RYR2: variants seen among roughly 807,000 people sequenced by gnomAD.
RYR2 encodes ryanodine receptor 2.
A neutral mutation model predicts 601.1 loss-of-function variants in RYR2; 227 were observed. The ratio of observed to expected loss-of-function variants is 0.38; its 90% CI spans 0.34 to 0.42. The LOEUF (loss-of-function observed/expected upper bound fraction) is 0.42. Ranked by LOEUF, RYR2 falls within the 10% of genes least tolerant of loss-of-function variation. RYR2 has a pLI of 1.00. For missense variants in RYR2, 4,646 were observed against 6,156.5 expected (o/e 0.75, Z 8.21); for synonymous variants, 2,223 against 2,175.1 (o/e 1.02, Z -0.61).
intron 1 of RYR2, among the ~76,000 whole-genome samples, chr1:237,218,829 T>TTGGGA (rs1558445424): frequency 1.3e-5 from 2 of 152,068 alleles, no homozygotes; most frequent in African/African-American, 4.8e-5. Context: ...CAGAGAGACC[T>TTGGGA]TAGCCTGGAT....
intron 89 of RYR2, 140 bp from the exon 90 acceptor site, chr1:237,783,532 AAAT>A (rs1258212450): frequency 1.7e-6 from 1 of 595,768 alleles, no homozygotes; most frequent in African/African-American, 1.9e-5. Context: ...TATAGTTTAT[AAAT>A]AATTATCTTT....
At chr1:237,674,505 G>A (rs931635036) in intron 59 of RYR2, among the ~76,000 whole-genome samples, 45 of 152,072 alleles carry the variant, frequency 3.0e-4, no homozygotes, top group African/African-American at 1.1e-3. Context: ...TCGTTGCATA[G>A]TAAGAGAGTC....
At chr1:237,597,182 T>C (rs545923881) in intron 34 of RYR2, among the ~76,000 whole-genome samples, 47 of 152,188 alleles carry the variant, frequency 3.1e-4, no homozygotes, top group Admixed American at 2.0e-4. Flanking sequence ...AAAGTCAAAA[T>C]TGTCAAAAGT....
At chr1:237,436,241 T>G (rs369315910) in intron 12 of RYR2, among the ~76,000 whole-genome samples, 1 of 150,238 alleles carries the variant, frequency 6.7e-6, no homozygotes, top group Non-Finnish European at 1.5e-5. Context: ...TCCTGTTCTA[T>G]TCATTGGTCC....
intron 2 of RYR2, among the ~76,000 whole-genome samples, chr1:237,283,597 T>C (rs1691131604): frequency 6.6e-6 from 1 of 152,180 alleles, no homozygotes; most frequent in Admixed American, 6.5e-5. Flanking sequence ...ATTTTGGCAG[T>C]TTATCAGTTC....
Position 237,500,720 on chromosome 1 carries a change from C to G in RYR2, c.2213C>G (p.Ala738Gly), listed in dbSNP as rs758381482. ...GTTTTCCCCCCAATAGGTTGTATTG[C>G]TCGTACTGTAAGCTCACCAAACCAA... ...DGLHLWSGCI[A>G]RTVSSPNQHL... Residue 738 changes from alanine to glycine, a missense_variant, in exon 21 of 105, where the codon GCT becomes GGT. Ala to Gly is a moderately conservative substitution (Grantham distance 60). Around this residue, in one of 17 missense-constraint regions of RYR2, gnomAD observed 1,807 missense variants for 2,088.1 expected, o/e 0.87. Transcript: ENST00000366574. The G allele has an allele frequency of 6.8e-6, 11 of 1,607,326 alleles. No homozygotes were observed. In the East Asian group the frequency reaches 2.2e-4, roughly 33 times the overall value.
At chr1:237,701,205 G>A (rs780441790) in intron 65 of RYR2, among the ~76,000 whole-genome samples, 1 of 152,186 alleles carries the variant, frequency 6.6e-6, no homozygotes, top group Non-Finnish European at 1.5e-5. Context: ...AACTACCAGT[G>A]GCAGAACGTT....
chr1:237,655,117 T>G (rs1278368878), intron 52 of RYR2, among the ~76,000 whole-genome samples: 1 of 152,226 alleles, frequency 6.6e-6, no homozygotes, highest in East Asian at 1.9e-4. Context: ...AGCAACACTT[T>G]AATGCTTTTT....
At chr1:237,807,996 A>C (rs1660829708) in intron 99 of RYR2, among the ~76,000 whole-genome samples, 1 of 152,198 alleles carries the variant, frequency 6.6e-6, no homozygotes, top group Admixed American at 6.5e-5. Flanking sequence ...AATACTCTAC[A>C]ATTCTATCAT....
chr1:237,579,756 T>C (rs1673682813), intron 29 of RYR2, among the ~76,000 whole-genome samples: 1 of 152,206 alleles, frequency 6.6e-6, no homozygotes, highest in Non-Finnish European at 1.5e-5. Context: ...CTTCTTCACT[T>C]GTTCTTCAGT....
rs191656157 is a variant in RYR2, at chr1:237,391,536, T to C, written c.773+3353T>C. On this transcript the variant is annotated intron_variant, in intron 10 of 104. Transcript: ENST00000366574. ...CTATTAAGGAGATGGCCAGAAAAGA[T>C]GTTTACTTCTGAGTGATTTAGGAAT... Among the ~76,000 whole-genome samples, 412 of 152,244 alleles carry C rather than the reference T, an allele frequency of 2.7e-3. 2 individuals carry two copies. The highest frequency in any genetic ancestry group is 6.8e-3 in the Middle Eastern group (2 of 294).
At chr1:237,579,217 GC>G (rs2148353980) in intron 29 of RYR2, among the ~76,000 whole-genome samples, 1 of 147,428 alleles carries the variant, frequency 6.8e-6, no homozygotes, top group East Asian at 2.0e-4. Context: ...TCTCTTCCTT[GC>G]CACGTGAGGA....
At chr1:237,048,800 A>C (rs1285100450) in intron 1 of RYR2, among the ~76,000 whole-genome samples, 2 of 152,152 alleles carry the variant, frequency 1.3e-5, no homozygotes, top group Non-Finnish European at 2.9e-5. Flanking sequence ...TGCACTGTTA[A>C]CTACAAGGAC....
At chr1:237,185,621 C>A (rs1418327148) in intron 1 of RYR2, among the ~76,000 whole-genome samples, 1 of 152,090 alleles carries the variant, frequency 6.6e-6, no homozygotes, top group African/African-American at 2.4e-5. Flanking sequence ...GGGATACACA[C>A]ACACAGAGGA....
At chr1:237,555,916 C>G (rs1197864464) in intron 27 of RYR2, among the ~76,000 whole-genome samples, 1 of 151,770 alleles carries the variant, frequency 6.6e-6, no homozygotes, top group Non-Finnish European at 1.5e-5. Flanking sequence ...CAATGCCAGA[C>G]AGAAAAAAAT....
chr1:237,190,276 G>A (rs902062469), intron 1 of RYR2, among the ~76,000 whole-genome samples: 1 of 152,124 alleles, frequency 6.6e-6, no homozygotes, highest in African/African-American at 2.4e-5. Flanking sequence ...GCCAACACTT[G>A]CTATTTTCCT....
At chr1:237,575,688 T>A (rs1673151602) in intron 29 of RYR2, among the ~76,000 whole-genome samples, 4 of 152,304 alleles carry the variant, frequency 2.6e-5, no homozygotes, top group Admixed American at 2.6e-4. Context: ...GGTAGTTATA[T>A]GAGAAATGTA....
At chr1:237,556,716 G>A (rs1390366279) in intron 27 of RYR2, among the ~76,000 whole-genome samples, 3 of 151,542 alleles carry the variant, frequency 2.0e-5, no homozygotes, top group African/African-American at 4.9e-5. Context: ...GTGTAGACAG[G>A]GAAAATAGAC....
intron 3 of RYR2, chr1:237,341,694 G>A (rs1697813321): frequency 2.0e-6 from 1 of 510,522 alleles, no homozygotes; most frequent in South Asian, 1.4e-5. Flanking sequence ...GGAATTTATA[G>A]ACCAAAATCA....
Sources: allele counts gnomAD v4.1 joint callset (sites outside exome capture counted in the v4.1 genomes callset), GRCh38; gene constraint gnomAD v4.1.1; regional missense constraint gnomAD v4.1.1; transcripts MANE v1.5; gene names NCBI Gene and HGNC (gene_info 2026-07-23, HGNC 2026-07-21).